TSPOAP1: variants seen among roughly 807,000 people sequenced by gnomAD.
The protein encoded by TSPOAP1 is TSPO associated protein 1.
TSPOAP1 carries 87 observed loss-of-function variants against 197.0 expected under a neutral mutation model. The ratio of observed to expected loss-of-function variants is 0.44; its 90% CI spans 0.37 to 0.53. The LOEUF is 0.53. Among genes scored for constraint, TSPOAP1 ranks in the 20% least tolerant of loss-of-function variants. The pLI is 0.00. For synonymous variants in TSPOAP1, 913 were observed against 998.9 expected (o/e 0.91, Z 1.62); for missense variants, 2,174 against 2,411.3 (o/e 0.90, Z 2.06).
rs763047901 is a variant in TSPOAP1, at chr17:58,322,630, C to T, written c.1317+24G>A. The T allele has an allele frequency of 6.2e-6, 10 of 1,606,580 alleles. No individual in the cohort carries two copies. The South Asian group carries it at 9.9e-5, about 16-fold the overall frequency. On this transcript the variant is annotated intron_variant, in intron 9 of 31. Transcript: ENST00000343736. The surrounding 1 kb of genome is among the most constrained non-coding windows in gnomAD (Gnocchi z 5.0). ...TCCCCATGCCAGGGCCCAGCACCCTCTCCCACCTGCACCATCTCCTCACCT... is the reference window on the plus strand; with the variant it reads ...TCCCCATGCCAGGGCCCAGCACCCTTTCCCACCTGCACCATCTCCTCACCT...
intron 12 of TSPOAP1, 112 bp from the exon 13 acceptor site, chr17:58,319,406 C>G: frequency 8.3e-7 from 1 of 1,205,680 alleles, no homozygotes; most frequent in Non-Finnish European, 1.1e-6. Flanking sequence ...ATCCACCCAG[C>G]CCCAGGCCTG....
intron 16 of TSPOAP1, among the ~76,000 whole-genome samples, chr17:58,314,593 C>G (rs1971164892): frequency 6.6e-6 from 1 of 152,222 alleles, no homozygotes; most frequent in African/African-American, 2.4e-5. Flanking sequence ...TCCCCTAGAG[C>G]CCCCAAGGGG....
chr17:58,305,024 C>T, intron 30 of TSPOAP1, 37 bp downstream of exon 30: 2 of 1,529,550 alleles, frequency 1.3e-6, no homozygotes, highest in Non-Finnish European at 1.8e-6. Context: ...GTAGGGTAGA[C>T]TGCCCTGCCA....
rs767804828 is a variant in TSPOAP1 at position 58,312,513 on chromosome 17, C to T, written c.2308G>A (p.Glu770Lys). 6.2e-6 allele frequency: 10 copies of T among 1,600,914 alleles called. No individual in the cohort carries two copies. The Admixed American group carries it at 6.8e-5, about 11-fold the overall frequency. Reference sequence around the variant, plus strand: ...AGACTGAGCTCGTCCCCTGCATCCTCCTCCTCAGGTCTGGGCTGGCTCCTT... The same window carrying T: ...AGACTGAGCTCGTCCCCTGCATCCTTCTCCTCAGGTCTGGGCTGGCTCCTT... ...VGRSQPRPEE[E>K]DAGDELSLSP... The change falls in exon 17 of 32, where the codon GAG becomes AAG. Residue 770 changes from glutamate to lysine, a missense_variant. Physicochemically the swap from Glu to Lys is moderately conservative, Grantham distance 56. Transcript: ENST00000343736.
Position 58,322,101 on chromosome 17 carries a change from G to A in TSPOAP1, c.1422+207C>T, listed in dbSNP as rs1971419797. ...CCCAGTCACTTTGTCACATCACCCT[G>A]TTCTTCTCCACCACTGTGCTCATCA... On this transcript the variant is annotated intron_variant, in intron 10 of 31. Transcript: ENST00000343736. The surrounding 1 kb of genome is among the most constrained non-coding windows in gnomAD (Gnocchi z 5.0). The A allele has an allele frequency of 2.4e-5, 14 of 574,044 alleles. No homozygotes were observed. In the South Asian group the frequency reaches 3.1e-4, roughly 13 times the overall value. The allele number at this position is 574,044 out of a possible 1,614,324, so 35.6% of individuals were successfully genotyped here. A position where few individuals can be genotyped will look rare whatever the true frequency, so the allele number is the denominator to read the frequency against.
chr17:58,325,521 G>A lies in TSPOAP1; in HGVS notation c.750+13C>T. 6.2e-7 allele frequency: 1 copy of A among 1,611,570 alleles called. No individual in the cohort carries two copies. The highest frequency in any genetic ancestry group is 1.1e-5 in the South Asian group (1 of 90,970). On this transcript the variant is annotated intron_variant, in intron 4 of 31. Transcript: ENST00000343736. ...GGGCTGAGCTGGAAGAGGTGACCAG[G>A]GCCTCCTCGCACCTTGCCCACCAGA...
Position 58,304,430 on chromosome 17 carries a change from G to A in TSPOAP1, c.5545-31C>T, listed in dbSNP as rs1376001061. The A allele has an allele frequency of 6.3e-7, 1 of 1,595,446 alleles. No individual in the cohort carries two copies. The highest frequency in any genetic ancestry group is 1.7e-5 in the Admixed American group (1 of 59,984). The stretch of plus-strand genomic sequence containing the variant: ...GACAGGGAACAAAGAGAGGAGATGG[G>A]TTACCGACAGACCCGCACCTTCTCC... On this transcript the variant is annotated intron_variant, in intron 30 of 31. Coordinates refer to ENST00000343736, the MANE Select transcript of TSPOAP1 (RefSeq NM_004758.4). The surrounding 1 kb of genome is among the most constrained non-coding windows in gnomAD (Gnocchi z 4.2).
Position 58,310,753 on chromosome 17 carries a change from T to A in TSPOAP1, c.3460-2A>T, listed in dbSNP as rs1423291835. 6.2e-7 allele frequency: 1 copy of A among 1,610,964 alleles called. No homozygotes were observed. On this transcript the variant is annotated splice_acceptor_variant, in intron 19 of 31. Transcript: ENST00000343736. LOFTEE classifies it high-confidence loss of function. ...CAGCACTGCTGCCCCAGCCTCCTCC[T>A]GGAACAGAGAGCACTGAGGAAGGAC... is the stretch of plus-strand genomic sequence containing the variant.
Position 58,326,518 on chromosome 17 carries a change from T to G in TSPOAP1, c.442-97A>C, listed in dbSNP as rs1971616366. 1 of 1,564,510 alleles carries G rather than the reference T, an allele frequency of 6.4e-7. No individual in the cohort carries two copies. The highest frequency in any genetic ancestry group is 1.4e-5 in the African/African-American group (1 of 73,542). Reference sequence around the variant, plus strand: ...TTGGGCTAGAGCCCTAGGCTCACAGTGGGGTCCTTGGCAACTCTAGGCAGG... The same window carrying G: ...TTGGGCTAGAGCCCTAGGCTCACAGGGGGGTCCTTGGCAACTCTAGGCAGG... On this transcript the variant is annotated intron_variant, in intron 2 of 31. Transcript: ENST00000343736. The surrounding 1 kb of genome is among the most constrained non-coding windows in gnomAD (Gnocchi z 4.7).
At position 58,326,751 on chromosome 17, in the gene TSPOAP1, C is replaced by T; in HGVS notation, c.373G>A (p.Glu125Lys). The T allele has an allele frequency of 6.2e-7, 1 of 1,614,070 alleles. No homozygotes were observed. Among genetic ancestry groups the T allele is most frequent in the Non-Finnish European group, 8.5e-7 (1 of 1,180,016 alleles). The change falls in exon 2 of 32, where the codon GAG becomes AAG. Residue 125 changes from glutamate to lysine, a missense_variant. Transcript: ENST00000343736. This position sits in a 1 kb window ranked among gnomAD's most constrained non-coding sequence, Gnocchi z 4.7. ...AGCTCCCCCAGGGCCCTCAGCAGCT[C>T]CAGATTGGGCCTGTCCCCAAAGCTC... Reference protein sequence around the residue: ...NMSFGDRPNLELLRALGELRQ... With the variant: ...NMSFGDRPNLKLLRALGELRQ...
rs1363780578 is a variant in TSPOAP1, at chr17:58,327,454, A to C, written c.333+134T>G. On this transcript the variant is annotated intron_variant, in intron 1 of 31. Transcript: ENST00000343736. ...GAAGAGAGGACAGATAGCCACAGAG[A>C]TGGACCCACAGACAGGCCAAGAGAG... 4 of 807,450 alleles carry C rather than the reference A, an allele frequency of 5.0e-6. No individual in the cohort carries two copies. The East Asian group carries it at 1.0e-4, about 21-fold the overall frequency. 50.0% of individuals were successfully genotyped at this position (807,450 alleles called of 1,614,324 possible).
intron 14 of TSPOAP1, 116 bp downstream of exon 14, chr17:58,318,164 T>C: frequency 2.3e-6 from 3 of 1,302,458 alleles, no homozygotes; most frequent in Non-Finnish European, 3.2e-6. Flanking sequence ...CCTCCCAACT[T>C]GGGACCCCAG....
chr17:58,328,380 T>TTG lies in TSPOAP1; in HGVS notation c.-462_-461dup, dbSNP rs150813325. 858 of 199,538 alleles carry TTG rather than the reference T, an allele frequency of 4.3e-3. 6 individuals are homozygous for TTG. The highest frequency in any genetic ancestry group is 0.012 in the South Asian group (147 of 12,060). The allele number at this position is 199,538 out of a possible 1,614,324, so 12.4% of individuals were successfully genotyped here. A position where few individuals can be genotyped will look rare whatever the true frequency, so the allele number is the denominator to read the frequency against. On this transcript the variant is annotated 5_prime_UTR_variant, in exon 1 of 32. Transcript: ENST00000343736. The surrounding 1 kb of genome is among the most constrained non-coding windows in gnomAD (Gnocchi z 4.3). The stretch of plus-strand genomic sequence containing the variant: ...TGCCCATTTCAGAGTTGCCAGTTGT[T>TTG]TGTGTGTGTGTGTGTGGGTGTCTGT...
intron 12 of TSPOAP1, 145 bp from the exon 13 acceptor site, chr17:58,319,439 C>T: frequency 2.4e-6 from 2 of 840,000 alleles, no homozygotes; most frequent in South Asian, 1.8e-5. Context: ...GCCTTGGCCA[C>T]CCCACTGTCC....
intron 1 of TSPOAP1, 79 bp downstream of exon 1, chr17:58,327,509 G>T: frequency 6.8e-7 from 1 of 1,465,042 alleles, no homozygotes. Flanking sequence ...TGCATACCTC[G>T]CCTCACCTCC....
chr17:58,327,859 A>G lies in TSPOAP1; in HGVS notation c.62T>C (p.Leu21Pro). The G allele has an allele frequency of 6.2e-7, 1 of 1,613,542 alleles. No homozygotes were observed. Among genetic ancestry groups the G allele is most frequent in the Non-Finnish European group, 8.5e-7 (1 of 1,179,760 alleles). Reference protein sequence around the residue: ...GDPGAMEPWALPTWHSWTPGR... With the variant: ...GDPGAMEPWAPPTWHSWTPGR... ...TGGAGTCCAGCTATGCCAGGTGGGC[A>G]GTGCCCATGGCTCCATGGCTCCAGG... Residue 21 changes from leucine (L) to proline (P), a missense_variant, in exon 1 of 32, where the codon CTG (leucine) becomes CCG (proline). Around this residue, in one of 5 missense-constraint regions of TSPOAP1, gnomAD observed 1,933 missense variants for 2,139.0 expected, o/e 0.90. Coordinates refer to ENST00000343736, the MANE Select transcript of TSPOAP1 (RefSeq NM_004758.4).
At position 58,318,513 on chromosome 17, in the gene TSPOAP1, G is replaced by A. The variant is rs1971307445; in HGVS notation, c.1700-61C>T. The A allele has an allele frequency of 7.3e-6, 11 of 1,514,432 alleles. 1 individual carries two copies. The Admixed American group carries it at 1.2e-4, about 17-fold the overall frequency. The allele number at this position is 1,514,432 out of a possible 1,614,324, so 93.8% of individuals were successfully genotyped here. A position where few individuals can be genotyped will look rare whatever the true frequency, so the allele number is the denominator to read the frequency against. The stretch of plus-strand genomic sequence containing the variant: ...GGCCTGAGGAGGGACCAGGAGATAG[G>A]GTGGTGCTTCTTGGATATGGGGACC... On this transcript the variant is annotated intron_variant, in intron 13 of 31. Transcript: ENST00000343736.
Position 58,301,261 on chromosome 17 carries a change from A to G in TSPOAP1, c.*1219T>C, listed in dbSNP as rs1051391001. ...TGAAAATAGACTTTATTATAATAAA[A>G]TGTCTTTTTAAACAAATTCCCCCAC... On this transcript the variant is annotated 3_prime_UTR_variant, in exon 32 of 32. Coordinates refer to ENST00000343736, the MANE Select transcript of TSPOAP1 (RefSeq NM_004758.4). 2.0e-5 allele frequency: 3 copies of G among 152,768 alleles called. No homozygotes were observed. The highest frequency in any genetic ancestry group is 3.4e-3 in the Middle Eastern group (1 of 294). 9.5% of individuals were successfully genotyped at this position (152,768 alleles called of 1,614,324 possible).
chr17:58,321,075 A>C (rs1228371374), intron 10 of TSPOAP1, among the ~76,000 whole-genome samples: 1 of 152,140 alleles, frequency 6.6e-6, no homozygotes, highest in Admixed American at 6.5e-5. Flanking sequence ...CCCCAGGCTC[A>C]TGTATCCAAG....
Sources: gnomAD v4.1 joint callset for allele counts (sites outside exome capture counted in the v4.1 genomes callset) on GRCh38, gnomAD v4.1.1 for gene constraint, gnomAD v4.1.1 regional missense constraint, Gnocchi (gnomAD v3.1) non-coding constraint, MANE v1.5 for transcripts, NCBI Gene and HGNC (gene_info 2026-07-23, HGNC 2026-07-21) for gene names.